ZNF473: variants seen among roughly 807,000 people sequenced by gnomAD.
ZNF473 encodes zinc finger protein 100 homolog.
A neutral mutation model predicts 11.1 loss-of-function variants in ZNF473; 4 were observed. That is an observed-to-expected ratio of 0.36 (90% CI 0.18 to 0.82). The LOEUF (loss-of-function observed/expected upper bound fraction) is 0.82. ZNF473 is among the 40% of genes least tolerant of loss of function. ZNF473 has a pLI of 0.49. For missense variants in ZNF473, 854 were observed against 1,084.0 expected (o/e 0.79, Z 2.98); for synonymous variants, 404 against 390.4 (o/e 1.03, Z -0.41).
chr19:50,046,445 C>A lies in ZNF473; in HGVS notation c.2002C>A (p.His668Asn), dbSNP rs777932425. 1.9e-6 allele frequency: 3 copies of A among 1,614,240 alleles called. No individual in the cohort carries two copies. Among genetic ancestry groups the A allele is most frequent in the Non-Finnish European group, 2.5e-6 (3 of 1,180,050 alleles). ...ACACCTCTCAAAACATCAGTTAATT[C>A]ACGCTGGAGAGAATCCCTTTAAATG... ...SAHLSKHQLIHAGENPFKCSK... is the reference protein window; with the variant it reads ...SAHLSKHQLINAGENPFKCSK... The change falls in exon 5 of 5, where the codon CAC (histidine) becomes AAC (asparagine). Residue 668 changes from histidine (H) to asparagine (N), a missense_variant. By Grantham distance (68) the His-to-Asn change is moderately conservative. This residue lies in a region of ZNF473 where 186 missense variants were observed against 293.8 expected (regional missense o/e 0.63). Transcript: ENST00000270617. This position sits in a 1 kb window ranked among gnomAD's most constrained non-coding sequence, Gnocchi z 5.9.
At chr19:50,035,879 C>T (rs1379243667) in intron 2 of ZNF473, among the ~76,000 whole-genome samples, 4 of 152,156 alleles carry the variant, frequency 2.6e-5, no homozygotes, top group African/African-American at 7.2e-5. Flanking sequence ...AGGTCAGCCT[C>T]CTGGGGATTG....
rs1978649703 is a variant in ZNF473, at chr19:50,039,389, A to G, written c.136+102A>G. 1 of 1,482,952 alleles carries G rather than the reference A, an allele frequency of 6.7e-7. No individual in the cohort carries two copies. Among genetic ancestry groups the G allele is most frequent in the South Asian group, 1.3e-5 (1 of 79,582 alleles). 91.9% of individuals were successfully genotyped at this position (1,482,952 alleles called of 1,614,324 possible). A position where few individuals can be genotyped will look rare whatever the true frequency, so the allele number is the denominator to read the frequency against. ...TGAAGTCCTGGCTCCTGGGCTCCTC[A>G]GAATCAGCATGACCTAGCCCAGCAG... is the stretch of plus-strand genomic sequence containing the variant. On this transcript the variant is annotated intron_variant, in intron 3 of 4. Coordinates refer to ENST00000270617, the MANE Select transcript of ZNF473 (RefSeq NM_015428.4). This position sits in a 1 kb window ranked among gnomAD's most constrained non-coding sequence, Gnocchi z 4.8.
chr19:50,041,503 G>A (rs970239861), intron 3 of ZNF473: 4 of 350,766 alleles, frequency 1.1e-5, no homozygotes, highest in Middle Eastern at 7.3e-4. Context: ...AGCTGTCACA[G>A]CTTTGATCAC....
intron 3 of ZNF473, among the ~76,000 whole-genome samples, chr19:50,040,797 T>C (rs1287119525): frequency 1.3e-5 from 2 of 152,270 alleles, no homozygotes; most frequent in African/African-American, 2.4e-5. Flanking sequence ...AACTATCATT[T>C]GATAGAATCT....
Position 50,046,334 on chromosome 19 carries a change from G to C in ZNF473, c.1891G>C (p.Ala631Pro). 1 of 1,614,164 alleles carries C rather than the reference G, an allele frequency of 6.2e-7. No individual in the cohort carries two copies. Among genetic ancestry groups the C allele is most frequent in the Non-Finnish European group, 8.5e-7 (1 of 1,180,024 alleles). The change falls in exon 5 of 5, where the codon GCC (alanine) becomes CCC (proline). Residue 631 changes from alanine to proline, a missense_variant. By Grantham distance (27) the Ala-to-Pro change is conservative. Coordinates refer to ENST00000270617, the MANE Select transcript of ZNF473 (RefSeq NM_015428.4). The surrounding 1 kb of genome is among the most constrained non-coding windows in gnomAD (Gnocchi z 5.9). ...WGEQGKAISS[A>P]SLIKLQSFHT... ...TGAGCAAGGGAAAGCCATCAGCAGT[G>C]CCTCCCTTATCAAACTTCAGTCCTT...
intron 3 of ZNF473, chr19:50,041,508 G>A (rs183618845): frequency 3.2e-4 from 113 of 356,802 alleles, no homozygotes; most frequent in African/African-American, 2.2e-3. Context: ...TCACAGCTTT[G>A]ATCACCCTGG....
intron 2 of ZNF473, among the ~76,000 whole-genome samples, chr19:50,036,586 A>G (rs879636072): frequency 1.8e-4 from 28 of 151,806 alleles, no homozygotes; most frequent in Non-Finnish European, 3.1e-4. Flanking sequence ...GGCCTCCCAA[A>G]GTGCTGGGAT....
intron 2 of ZNF473, among the ~76,000 whole-genome samples, chr19:50,038,005 G>GA (rs200086890): frequency 2.4e-3 from 188 of 77,354 alleles, no homozygotes; most frequent in African/African-American, 8.4e-3. Context: ...CCAAATAGTA[G>GA]AAAATTTTTT....
At position 50,039,082 on chromosome 19, in the gene ZNF473, G is replaced by T; in HGVS notation, c.10-79G>T. 1 of 1,574,058 alleles carries T rather than the reference G, an allele frequency of 6.4e-7. No homozygotes were observed. The stretch of plus-strand genomic sequence containing the variant: ...TTGCCAAAGCCCTGGCAGATTGAGG[G>T]CTGGGAGTGCCCTGAGTGAGCTGTT... On this transcript the variant is annotated intron_variant, in intron 2 of 4. Coordinates refer to ENST00000270617, the MANE Select transcript of ZNF473 (RefSeq NM_015428.4). This position sits in a 1 kb window ranked among gnomAD's most constrained non-coding sequence, Gnocchi z 4.8.
At chr19:50,031,429 C>T (rs905607670) in intron 2 of ZNF473, among the ~76,000 whole-genome samples, 1 of 152,194 alleles carries the variant, frequency 6.6e-6, no homozygotes, top group African/African-American at 2.4e-5. Flanking sequence ...CAAATACTCC[C>T]TTTGGCCTAG....
chr19:50,035,834 T>C (rs1978400503), intron 2 of ZNF473, among the ~76,000 whole-genome samples: 2 of 152,170 alleles, frequency 1.3e-5, no homozygotes, highest in Admixed American at 1.3e-4. Flanking sequence ...GAATTTGAAC[T>C]GGGACCTGTC....
Position 50,044,938 on chromosome 19 carries a change from A to G in ZNF473, c.495A>G (p.Gly165=). 1 of 1,614,230 alleles carries G rather than the reference A, an allele frequency of 6.2e-7. No individual in the cohort carries two copies. The highest frequency in any genetic ancestry group is 1.3e-5 in the African/African-American group (1 of 75,062). Residue 165 remains glycine (G), a synonymous_variant, in exon 5 of 5, where the codon GGA becomes GGG. Coordinates refer to ENST00000270617, the MANE Select transcript of ZNF473 (RefSeq NM_015428.4). ...GTCCTGTGTCCACCGTTTCCACGGG[A>G]GAAGATTCCATGGTGCATAATGTTT... ...GLSPVSTVST[G]EDSMVHNVSE...
At chr19:50,037,167 C>A (rs969876513) in intron 2 of ZNF473, among the ~76,000 whole-genome samples, 2 of 152,140 alleles carry the variant, frequency 1.3e-5, no homozygotes, top group Non-Finnish European at 2.9e-5. Flanking sequence ...TCGAGCTCTT[C>A]CTGTGTGCTA....
chr19:50,036,426 G>T (rs1303582208), intron 2 of ZNF473, among the ~76,000 whole-genome samples: 2 of 139,580 alleles, frequency 1.4e-5, no homozygotes, highest in Admixed American at 1.5e-4. Flanking sequence ...CCATTCTCCT[G>T]CCTCAGCCTC....
Position 50,046,486 on chromosome 19 carries a change from A to G in ZNF473, c.2043A>G (p.Arg681=). The G allele has an allele frequency of 6.2e-7, 1 of 1,614,256 alleles. No individual in the cohort carries two copies. The highest frequency in any genetic ancestry group is 8.5e-7 in the Non-Finnish European group (1 of 1,180,040). The part of the protein sequence containing the change: ...ENPFKCSKCD[R]VFTQRNYLVQ... ...CCTTTAAATGTAGTAAGTGTGACAG[A>G]GTCTTCACCCAGAGAAACTACCTTG... Residue 681 remains arginine, a synonymous_variant, in exon 5 of 5, where the codon AGA becomes AGG. Coordinates refer to ENST00000270617, the MANE Select transcript of ZNF473 (RefSeq NM_015428.4). The surrounding 1 kb of genome is among the most constrained non-coding windows in gnomAD (Gnocchi z 5.9).
intron 2 of ZNF473, among the ~76,000 whole-genome samples, chr19:50,036,589 G>T (rs1273119273): frequency 6.6e-6 from 1 of 151,342 alleles, no homozygotes; most frequent in Non-Finnish European, 1.5e-5. Context: ...CTCCCAAAGT[G>T]CTGGGATTAC....
chr19:50,035,395 T>C (rs1299450751), intron 2 of ZNF473, among the ~76,000 whole-genome samples: 2 of 152,066 alleles, frequency 1.3e-5, no homozygotes, highest in East Asian at 1.9e-4. Context: ...GTTTTCACTA[T>C]AAGGAATTGG....
chr19:50,036,417 C>T (rs906157224), intron 2 of ZNF473, among the ~76,000 whole-genome samples: 1 of 144,412 alleles, frequency 6.9e-6, no homozygotes, highest in Non-Finnish European at 1.5e-5. Context: ...AGGTTCATGC[C>T]ATTCTCCTGC....
intron 2 of ZNF473, among the ~76,000 whole-genome samples, chr19:50,038,309 T>C (rs1051611916): frequency 1.5e-4 from 23 of 151,790 alleles, no homozygotes; most frequent in African/African-American, 5.6e-4. Context: ...AAAGATGGCA[T>C]CACTAAAAGT....
Sources: allele counts gnomAD v4.1 joint callset (sites outside exome capture counted in the v4.1 genomes callset), GRCh38; gene constraint gnomAD v4.1.1; regional missense constraint gnomAD v4.1.1; non-coding constraint Gnocchi (gnomAD v3.1); transcripts MANE v1.5; gene names NCBI Gene and HGNC (gene_info 2026-07-23, HGNC 2026-07-21).